Variants in CHD6 observed in about 807,000 individuals in gnomAD.
CHD6 encodes the protein ATP-dependent chromatin remodeler CHD6.
CHD6 carries 50 observed loss-of-function variants against 276.9 expected under a neutral mutation model. The ratio of observed to expected loss-of-function variants is 0.18; its 90% confidence interval spans 0.14 to 0.23. The LOEUF (loss-of-function observed/expected upper bound fraction) is 0.23, where lower values mean the gene tolerates loss of function less well. CHD6 is among the 10% of genes least tolerant of loss of function. CHD6 has a pLI of 1.00. For synonymous variants in CHD6, 1,173 were observed against 1,229.3 expected (o/e 0.95, Z 0.96); for missense variants, 2,564 against 3,365.8 (o/e 0.76, Z 5.89).
At chr20:41,513,040 A>ACT in intron 4 of CHD6, 45 bp from the exon 5 acceptor site, 1 of 1,606,952 alleles carries the variant, frequency 6.2e-7, no homozygotes, top group Non-Finnish European at 8.5e-7. Flanking sequence ...TGAGTGAAAG[A>ACT]CAACAGCCTA....
chr20:41,413,369 T>C lies in CHD6; in HGVS notation c.7086A>G (p.Leu2362=). 1 of 1,611,774 alleles carries C rather than the reference T, an allele frequency of 6.2e-7. No homozygotes were observed. The highest frequency in any genetic ancestry group is 8.5e-7 in the Non-Finnish European group (1 of 1,179,850). ...SIPSKSLLDW[L]RQQADYSLEV... is the part of the protein sequence containing the mutation. The stretch of plus-strand genomic sequence containing the variant: ...CTAAGGAGTAGTCAGCCTGCTGCCT[T>C]AGCCAGTCAAGCAGACTCTTGCTGG... Residue 2362 remains leucine (L), a synonymous_variant, in exon 35 of 37, where the codon CTA becomes CTG. Transcript: ENST00000373233.
intron 1 of CHD6, among the ~76,000 whole-genome samples, chr20:41,609,495 GT>G (rs1445068757): frequency 1.3e-5 from 2 of 152,128 alleles, no homozygotes; most frequent in African/African-American, 4.8e-5. Flanking sequence ...TGAGAAAACA[GT>G]GCTGATCTGT....
At chr20:41,556,355 C>T (rs1403663961) in intron 1 of CHD6, among the ~76,000 whole-genome samples, 35 of 145,926 alleles carry the variant, frequency 2.4e-4, no homozygotes, top group Admixed American at 1.4e-4. Flanking sequence ...AGACAGTCTC[C>T]GCTAATGGCA....
intron 5 of CHD6, among the ~76,000 whole-genome samples, chr20:41,504,821 A>C (rs1289551384): frequency 6.6e-6 from 1 of 152,084 alleles, no homozygotes; most frequent in Non-Finnish European, 1.5e-5. Flanking sequence ...TTATTCTCTT[A>C]ATTTTTAGCC....
intron 8 of CHD6, chr20:41,497,004 T>C (rs2043702912): frequency 5.6e-6 from 1 of 177,672 alleles, no homozygotes; most frequent in African/African-American, 2.4e-5. Flanking sequence ...GTTTACTTTC[T>C]CTCACTTTTA....
Position 41,613,243 on chromosome 20 carries a change from ATTC to A in CHD6, c.-24+5094_-24+5096del, listed in dbSNP as rs73622092. On this transcript the variant is annotated intron_variant, in intron 1 of 36. Coordinates refer to ENST00000373233, the MANE Select transcript of CHD6 (RefSeq NM_032221.5). Reference sequence around the variant, plus strand: ...ATAAAAAAATGGAGGGCTTCTTTTAATTCTTCTTCTTCAATGTAAGAAAGAAAA... The same window carrying A: ...ATAAAAAAATGGAGGGCTTCTTTTAATTCTTCTTCAATGTAAGAAAGAAAA... Among the ~76,000 whole-genome samples, 60 of 152,354 alleles carry A rather than the reference ATTC, an allele frequency of 3.9e-4. 2 individuals are homozygous for A. In the South Asian group the frequency reaches 5.4e-3, roughly 14 times the overall value.
At chr20:41,528,723 T>C (rs1480674549) in intron 3 of CHD6, among the ~76,000 whole-genome samples, 2 of 152,194 alleles carry the variant, frequency 1.3e-5, no homozygotes, top group East Asian at 3.8e-4. Flanking sequence ...ACTTCTCCTA[T>C]TTAAGAATTT....
intron 3 of CHD6, among the ~76,000 whole-genome samples, chr20:41,519,168 C>T (rs938036030): frequency 7.2e-5 from 11 of 152,050 alleles, no homozygotes; most frequent in Admixed American, 3.9e-4. Context: ...CTGTGGTCCC[C>T]GCTACTTGGG....
intron 31 of CHD6, among the ~76,000 whole-genome samples, chr20:41,419,032 G>C (rs1269425040): frequency 1.3e-5 from 2 of 152,162 alleles, no homozygotes; most frequent in African/African-American, 4.8e-5. Context: ...ACCCGCAACA[G>C]GGTTCAAAAA....
At chr20:41,407,427 A>C (rs978665547) in intron 36 of CHD6, among the ~76,000 whole-genome samples, 11 of 152,234 alleles carry the variant, frequency 7.2e-5, no homozygotes, top group African/African-American at 2.7e-4. Flanking sequence ...GAAAGAAGCC[A>C]GGGAAGCTGA....
chr20:41,458,862 A>G (rs1296119977), intron 17 of CHD6, among the ~76,000 whole-genome samples: 1 of 152,088 alleles, frequency 6.6e-6, no homozygotes, highest in Non-Finnish European at 1.5e-5. Flanking sequence ...CATGTGAGTG[A>G]GCCCTGCAGG....
At chr20:41,517,934 A>C (rs1209817505) in intron 3 of CHD6, among the ~76,000 whole-genome samples, 4 of 152,254 alleles carry the variant, frequency 2.6e-5, no homozygotes, top group Non-Finnish European at 5.9e-5. Flanking sequence ...AAATGTAAAA[A>C]CTTCAAATAT....
chr20:41,516,305 G>A (rs1318990124), intron 3 of CHD6, among the ~76,000 whole-genome samples: 1 of 152,066 alleles, frequency 6.6e-6, no homozygotes, highest in Non-Finnish European at 1.5e-5. Flanking sequence ...GATTACAGGT[G>A]TCCGTCACCA....
chr20:41,504,969 G>T (rs1347748328), intron 5 of CHD6, among the ~76,000 whole-genome samples: 3 of 152,128 alleles, frequency 2.0e-5, no homozygotes, highest in Admixed American at 6.5e-5. Flanking sequence ...AGGGCGAGGG[G>T]GTGGTCCCTT....
intron 33 of CHD6, 106 bp downstream of exon 33, chr20:41,416,482 A>C (rs949096306): frequency 1.5e-4 from 154 of 1,058,062 alleles, no homozygotes; most frequent in Non-Finnish European, 1.7e-4. Context: ...GCAAAAAAAA[A>C]CCCCTATCCA....
chr20:41,521,828 T>C (rs1439139775), intron 3 of CHD6, among the ~76,000 whole-genome samples: 1 of 152,218 alleles, frequency 6.6e-6, no homozygotes, highest in African/African-American at 2.4e-5. Context: ...AAACATGGCA[T>C]GTCAAAATGA....
intron 17 of CHD6, among the ~76,000 whole-genome samples, chr20:41,467,561 G>GAAAAAAA (rs11472253): frequency 1.1e-3 from 44 of 39,050 alleles, no homozygotes; most frequent in African/African-American, 1.7e-3. Flanking sequence ...TTCTGACAAT[G>GAAAAAAA]AAAAAAAAAA....
At chr20:41,483,704 A>C (rs540849538) in intron 15 of CHD6, among the ~76,000 whole-genome samples, 185 bp from the exon 16 acceptor site, 1 of 152,258 alleles carries the variant, frequency 6.6e-6, no homozygotes, top group South Asian at 2.1e-4. Context: ...TGGCAGCAGG[A>C]GAGAATGCGG....
intron 27 of CHD6, among the ~76,000 whole-genome samples, chr20:41,433,038 C>T (rs1600845736): frequency 6.6e-6 from 1 of 151,166 alleles, no homozygotes; most frequent in Non-Finnish European, 1.5e-5. Context: ...TAATCAGTGA[C>T]CTCAAAGACA....
Sources: allele counts gnomAD v4.1 joint callset (sites outside exome capture counted in the v4.1 genomes callset), GRCh38; gene constraint gnomAD v4.1.1; transcripts MANE v1.5; gene names NCBI Gene and HGNC (gene_info 2026-07-23, HGNC 2026-07-21).